Variants in RANBP2 observed in about 807,000 individuals in gnomAD.
RANBP2 encodes RAN binding protein 2, also known as E3 SUMO-protein ligase RanBP2.
In RANBP2, 57 loss-of-function variants were observed where a neutral mutation model predicts 303.6. The ratio of observed to expected loss-of-function variants is 0.19; its 90% CI spans 0.15 to 0.23. The LOEUF (loss-of-function observed/expected upper bound fraction) is 0.23. Ranked by LOEUF, RANBP2 falls within the 10% of genes least tolerant of loss-of-function variation. The pLI, the probability that RANBP2 is intolerant of heterozygous loss-of-function variation, is 1.00. For synonymous variants in RANBP2, 1,167 were observed against 1,301.5 expected (o/e 0.90, Z 2.23); for missense variants, 3,138 against 3,780.8 (o/e 0.83, Z 4.46).
At chr2:109,557,969 T>A in the RANBP2 span, among the ~76,000 whole-genome samples, 1 of 152,014 alleles carries the variant, frequency 6.6e-6, no homozygotes, top group Non-Finnish European at 1.5e-5. Flanking sequence ...ATTTCTGTAT[T>A]CTTTGTAGAG....
chr2:109,068,576 A>C, the RANBP2 span, among the ~76,000 whole-genome samples: 1 of 152,056 alleles, frequency 6.6e-6, no homozygotes, highest in African/African-American at 2.4e-5. Flanking sequence ...ATTATTTCTC[A>C]TGGGTTTGTA....
the RANBP2 span, chr2:109,614,410 G>A: frequency 2.7e-5 from 29 of 1,072,620 alleles, no homozygotes; most frequent in Non-Finnish European, 3.4e-5. Context: ...CTCCGCCGCC[G>A]TCGGGAGCCG....
At chr2:109,184,069 G>T in the RANBP2 span, among the ~76,000 whole-genome samples, 2 of 152,362 alleles carry the variant, frequency 1.3e-5, no homozygotes, top group East Asian at 3.9e-4. Flanking sequence ...CGATCTCTCT[G>T]TGAACGTGGG....
the RANBP2 span, chr2:109,449,430 C>A: frequency 2.5e-6 from 4 of 1,614,004 alleles, no homozygotes; most frequent in Non-Finnish European, 3.4e-6. Context: ...CATCGGTGTT[C>A]TGTCCACATC....
chr2:109,284,066 C>G, the RANBP2 span, among the ~76,000 whole-genome samples: 11 of 152,288 alleles, frequency 7.2e-5, no homozygotes, highest in South Asian at 2.3e-3. Context: ...TGTCACCTCC[C>G]TTGTCCTGCC....
At chr2:109,735,690 T>C in the RANBP2 span, among the ~76,000 whole-genome samples, 1 of 152,176 alleles carries the variant, frequency 6.6e-6, no homozygotes. Context: ...ACAATCAAAC[T>C]AAAAATTACT....
At chr2:108,812,057 G>A in the RANBP2 span, among the ~76,000 whole-genome samples, 1 of 151,712 alleles carries the variant, frequency 6.6e-6, no homozygotes, top group South Asian at 2.1e-4. Flanking sequence ...TGGATACCCA[G>A]GAATAAATCT....
At chr2:109,613,953 G>A in the RANBP2 span, 17 of 1,212,178 alleles carry the variant, frequency 1.4e-5, no homozygotes, top group Admixed American at 3.0e-4. Context: ...GGCTGCCTCC[G>A]CGACGGGGAA....
the RANBP2 span, among the ~76,000 whole-genome samples, chr2:109,385,800 C>T: frequency 1.3e-5 from 2 of 152,206 alleles, no homozygotes; most frequent in Non-Finnish European, 2.9e-5. Flanking sequence ...GAGGTAGGAC[C>T]TGGCACCAGA....
chr2:109,351,468 A>G, the RANBP2 span, among the ~76,000 whole-genome samples: 1 of 152,232 alleles, frequency 6.6e-6, no homozygotes, highest in Admixed American at 6.5e-5. Context: ...TTGAGCAGCT[A>G]ACTCTATATT....
chr2:109,090,978 T>C, the RANBP2 span, among the ~76,000 whole-genome samples: 1 of 152,198 alleles, frequency 6.6e-6, no homozygotes, highest in African/African-American at 2.4e-5. Flanking sequence ...ATCGTTTTTA[T>C]TTAAAGCTTT....
At chr2:109,125,099 CT>C in the RANBP2 span, among the ~76,000 whole-genome samples, 1 of 152,192 alleles carries the variant, frequency 6.6e-6, no homozygotes, top group Non-Finnish European at 1.5e-5. Flanking sequence ...GCAGTCAAGT[CT>C]GGGGTTGGCC....
chr2:109,130,434 G>A, the RANBP2 span, among the ~76,000 whole-genome samples: 6 of 152,174 alleles, frequency 3.9e-5, no homozygotes, highest in Non-Finnish European at 8.8e-5. Context: ...CTAGAAACGG[G>A]GACCTTCTTC....
the RANBP2 span, among the ~76,000 whole-genome samples, chr2:108,850,612 C>T: frequency 6.6e-6 from 1 of 152,024 alleles, no homozygotes; most frequent in Non-Finnish European, 1.5e-5. Context: ...CCACCACACC[C>T]TGCTAATTTT....
chr2:108,737,573 A>T (rs1260833799), intron 6 of RANBP2, among the ~76,000 whole-genome samples: 1 of 129,926 alleles, frequency 7.7e-6, no homozygotes, highest in South Asian at 2.4e-4. Flanking sequence ...TTTTTTTGAG[A>T]CTGAGTCTTG....
At chr2:109,129,924 C>A in the RANBP2 span, 1 of 1,493,476 alleles carries the variant, frequency 6.7e-7, no homozygotes, top group Non-Finnish European at 8.9e-7. Flanking sequence ...CCCGCGCGGG[C>A]ACCAGCCCCG....
the RANBP2 span, among the ~76,000 whole-genome samples, chr2:109,528,147 T>C: frequency 6.6e-6 from 1 of 152,192 alleles, no homozygotes; most frequent in Non-Finnish European, 1.5e-5. Flanking sequence ...GGAGCAGGAC[T>C]GGGCCCAGCA....
the RANBP2 span, chr2:109,501,803 G>C: frequency 1.6e-6 from 1 of 613,150 alleles, no homozygotes; most frequent in Non-Finnish European, 2.9e-6. Flanking sequence ...GGATACCCTG[G>C]CCCAGGGTGG....
the RANBP2 span, among the ~76,000 whole-genome samples, chr2:109,073,921 T>C: frequency 2.1e-3 from 318 of 150,110 alleles, 21 homozygotes; most frequent in Non-Finnish European, 3.8e-3. Flanking sequence ...AGAAACTACC[T>C]ATAGAAATGA....
Sources: gnomAD v4.1 joint callset for allele counts (sites outside exome capture counted in the v4.1 genomes callset) on GRCh38, gnomAD v4.1.1 for gene constraint, MANE v1.5 for transcripts, NCBI Gene and HGNC (gene_info 2026-07-23, HGNC 2026-07-21) for gene names.